The following CLDND1 variants were observed in gnomAD, a reference collection of about 807,000 sequenced individuals.
CLDND1 encodes the protein claudin domain-containing protein 1.
A neutral mutation model predicts 26.3 loss-of-function variants in CLDND1; 13 were observed. The observed-to-expected ratio is 0.49, with a 90% confidence interval of 0.32 to 0.78. The LOEUF (loss-of-function observed/expected upper bound fraction) is 0.78. Among genes scored for constraint, CLDND1 ranks in the 30% least tolerant of loss-of-function variants. The pLI is 0.03. For synonymous variants in CLDND1, 107 were observed against 107.0 expected (o/e 1.00, Z 0.00); for missense variants, 289 against 312.8 (o/e 0.92, Z 0.57).
At chr3:98,518,186 A>G (rs1447897068) in intron 3 of CLDND1, among the ~76,000 whole-genome samples, 1 of 152,132 alleles carries the variant, frequency 6.6e-6, no homozygotes, top group Non-Finnish European at 1.5e-5. Context: ...GGAACTTCTT[A>G]TGTGTTTTTC....
chr3:98,522,563 G>C (rs1408417437), intron 1 of CLDND1: 2 of 1,362,076 alleles, frequency 1.5e-6, no homozygotes, highest in East Asian at 3.0e-5. Flanking sequence ...CCAGCACTGG[G>C]AACGGCGGTT....
In CLDND1 at chr3:98,515,486, CT is replaced by C; in HGVS notation, c.*1172del. 1.4e-6 allele frequency: 1 copy of C among 733,282 alleles called. No individual in the cohort carries two copies. The highest frequency in any genetic ancestry group is 1.8e-6 in the Non-Finnish European group (1 of 565,764). 45.4% of individuals were successfully genotyped at this position (733,282 alleles called of 1,614,324 possible). ...AGACACTCTATATACAATTGAGTCT[CT>C]TTTCATTTTTAATTTTATTTTTTAA... On this transcript the variant is annotated 3_prime_UTR_variant, in exon 5 of 5. Transcript: ENST00000341181.
chr3:98,522,724 A>G, intron 1 of CLDND1, 125 bp downstream of exon 1: 1 of 1,569,150 alleles, frequency 6.4e-7, no homozygotes, highest in Admixed American at 1.8e-5. Context: ...CGGCCCTGGG[A>G]CAAATCCGCC....
chr3:98,517,692 C>A (rs565903747), intron 3 of CLDND1, among the ~76,000 whole-genome samples: 2 of 152,226 alleles, frequency 1.3e-5, no homozygotes, highest in African/African-American at 4.8e-5. Flanking sequence ...AATATTATGC[C>A]ATTTTATATA....
chr3:98,521,725 T>G, intron 1 of CLDND1: 1 of 1,603,864 alleles, frequency 6.2e-7, no homozygotes, highest in Non-Finnish European at 8.5e-7. Flanking sequence ...AACACTGAAA[T>G]GGACATACAC....
intron 3 of CLDND1, among the ~76,000 whole-genome samples, chr3:98,517,721 G>A (rs1706210466): frequency 6.6e-6 from 1 of 152,118 alleles, no homozygotes; most frequent in Non-Finnish European, 1.5e-5. Context: ...TAGCAACCTT[G>A]GAATTAGCAG....
intron 3 of CLDND1, 24 bp from the exon 4 acceptor site, chr3:98,517,213 G>A (rs1367925165): frequency 6.2e-7 from 1 of 1,605,926 alleles, no homozygotes; most frequent in Non-Finnish European, 8.5e-7. Flanking sequence ...AGAGAGAAAA[G>A]AAATGTTACC....
intron 3 of CLDND1, 60 bp from the exon 4 acceptor site, chr3:98,517,249 A>T: frequency 6.4e-7 from 1 of 1,567,766 alleles, no homozygotes. Flanking sequence ...TTTCCCCGCA[A>T]TGGCAATTTC....
At chr3:98,518,668 T>C in intron 3 of CLDND1, 3 of 530,952 alleles carry the variant, frequency 5.7e-6, no homozygotes, top group Non-Finnish European at 6.7e-6. Flanking sequence ...TCCAATGAAG[T>C]AGTTGGCCCT....
chr3:98,516,067 C>CTTTT lies in CLDND1; in HGVS notation c.*588_*591dup. The CTTTT allele has an allele frequency of 8.6e-7, 1 of 1,156,226 alleles. No homozygotes were observed. The highest frequency in any genetic ancestry group is 1.1e-6 in the Non-Finnish European group (1 of 925,126). The allele number at this position is 1,156,226 out of a possible 1,614,324, so 71.6% of individuals were successfully genotyped here. On this transcript the variant is annotated 3_prime_UTR_variant, in exon 5 of 5. Coordinates refer to ENST00000341181, the MANE Select transcript of CLDND1 (RefSeq NM_001040181.2). ...TTTCAAGTAAACACTGTATTTTTCA[C>CTTTT]TTTTTGTAGACAGACACAGTGCAGA...
intron 2 of CLDND1, 59 bp downstream of exon 2, chr3:98,521,074 C>T (rs1706387150): frequency 1.4e-6 from 2 of 1,432,414 alleles, no homozygotes; most frequent in African/African-American, 2.8e-5. Flanking sequence ...GCAATCATTA[C>T]GTCGTTTTGT....
rs1706275183 is a variant in CLDND1 at position 98,518,878 on chromosome 3, T to C, written c.403+7A>G. 6.6e-7 allele frequency: 1 copy of C among 1,518,814 alleles called. No individual in the cohort carries two copies. Among genetic ancestry groups the C allele is most frequent in the African/African-American group, 1.4e-5 (1 of 72,936 alleles). 94.1% of individuals were successfully genotyped at this position (1,518,814 alleles called of 1,614,324 possible). A position where few individuals can be genotyped will look rare whatever the true frequency, so the allele number is the denominator to read the frequency against. ...CCCAACTGTCCTGGTGAAATCAAAG[T>C]ACTCACAGGTCCTAAGGAGATCAAT... On this transcript the variant is annotated splice_region_variant and intron_variant, in intron 3 of 4. Transcript: ENST00000341181.
chr3:98,521,510 T>C (rs1221304995), intron 1 of CLDND1, 68 bp from the exon 2 acceptor site: 2 of 1,516,072 alleles, frequency 1.3e-6, no homozygotes, highest in East Asian at 4.5e-5. Context: ...TATTTTGAAT[T>C]ATTCCAAATG....
chr3:98,517,227 A>T, intron 3 of CLDND1, 38 bp from the exon 4 acceptor site: 2 of 1,594,556 alleles, frequency 1.3e-6, no homozygotes, highest in Non-Finnish European at 1.7e-6. Context: ...TGTTACCGTG[A>T]TTTCAGACCA....
intron 1 of CLDND1, 33 bp downstream of exon 1, chr3:98,522,816 C>T (rs752632196): frequency 3.1e-6 from 5 of 1,613,704 alleles, no homozygotes; most frequent in Non-Finnish European, 3.4e-6. Context: ...GCGACGCGAC[C>T]CCTGCCCGGC....
At chr3:98,518,023 TTTAA>T (rs1445667864) in intron 3 of CLDND1, among the ~76,000 whole-genome samples, 3 of 152,208 alleles carry the variant, frequency 2.0e-5, no homozygotes, top group Non-Finnish European at 4.4e-5. Context: ...TAAAGGTAGT[TTTAA>T]TTATCATAAA....
intron 1 of CLDND1, 31 bp downstream of exon 1, chr3:98,522,818 C>T (rs1388862628): frequency 6.2e-7 from 1 of 1,613,720 alleles, no homozygotes; most frequent in East Asian, 2.2e-5. Flanking sequence ...GACGCGACCC[C>T]TGCCCGGCGA....
At chr3:98,522,488 T>G in intron 1 of CLDND1, 30 of 1,115,066 alleles carry the variant, frequency 2.7e-5, no homozygotes, top group Admixed American at 4.8e-5. Context: ...AAAAGTTGGA[T>G]TTGTATTTTG....
intron 3 of CLDND1, 66 bp downstream of exon 3, chr3:98,518,819 T>C: frequency 1.0e-6 from 1 of 963,846 alleles, no homozygotes; most frequent in Non-Finnish European, 1.7e-6. Flanking sequence ...AAAAACATAG[T>C]CCAAAAAGAG....
Sources: allele counts gnomAD v4.1 joint callset (sites outside exome capture counted in the v4.1 genomes callset), GRCh38; gene constraint gnomAD v4.1.1; transcripts MANE v1.5; gene names NCBI Gene and HGNC (gene_info 2026-07-23, HGNC 2026-07-21).